Variants in ANKRD30A observed in about 807,000 individuals in gnomAD.
The protein encoded by ANKRD30A is ankyrin repeat domain-containing protein 30A.
Under a neutral mutation model 166.3 loss-of-function variants are expected in ANKRD30A, and 170 were observed. That is an observed-to-expected ratio of 1.02 (90% CI 0.90 to 1.16). The LOEUF (loss-of-function observed/expected upper bound fraction) is 1.16, where lower values mean the gene tolerates loss of function less well. ANKRD30A is among the 50% of genes most tolerant of loss of function. The pLI is 0.00. For synonymous variants in ANKRD30A, 564 were observed against 508.9 expected, an observed-to-expected ratio of 1.11 and a Z score of -1.46; for missense variants, 1,630 against 1,518.0, an observed-to-expected ratio of 1.07 and a Z score of -1.23.
chr10:37,150,446 C>T (rs1235190705), intron 11 of ANKRD30A, among the ~76,000 whole-genome samples: 5 of 151,974 alleles, frequency 3.3e-5, no homozygotes, highest in Non-Finnish European at 7.4e-5. Context: ...ACACTTTTTC[C>T]TAAAACTGTA....
intron 29 of ANKRD30A, among the ~76,000 whole-genome samples, chr10:37,198,284 C>T (rs114979171): frequency 5.3e-5 from 8 of 151,928 alleles, no homozygotes; most frequent in Non-Finnish European, 7.4e-5. Context: ...GTGTAATGTT[C>T]GGCAACATTC....
chr10:37,222,590 A>G (rs1035104855), intron 34 of ANKRD30A, among the ~76,000 whole-genome samples: 4 of 151,354 alleles, frequency 2.6e-5, no homozygotes, highest in South Asian at 4.2e-4. Flanking sequence ...GTGTGGGCCT[A>G]TATTTTTATT....
At chr10:37,149,888 C>G (rs1282116195) in intron 11 of ANKRD30A, 39 bp downstream of exon 11, 2 of 1,606,978 alleles carry the variant, frequency 1.2e-6, no homozygotes, top group East Asian at 2.2e-5. Context: ...ACGAATATTT[C>G]AATATTGGAC....
chr10:37,200,569 T>C (rs1271965301), intron 30 of ANKRD30A, among the ~76,000 whole-genome samples: 1 of 152,094 alleles, frequency 6.6e-6, no homozygotes, highest in East Asian at 1.9e-4. Flanking sequence ...TTTTATCTGA[T>C]TTGTAATTGG....
chr10:37,258,672 CT>C, the ANKRD30A span, among the ~76,000 whole-genome samples: 6 of 145,884 alleles, frequency 4.1e-5, no homozygotes, highest in Non-Finnish European at 9.0e-5. Flanking sequence ...AAAAAAAAAG[CT>C]TCTACAATGG....
At chr10:37,201,184 CATT>C in intron 30 of ANKRD30A, 48 bp from the exon 31 acceptor site, 1 of 1,364,250 alleles carries the variant, frequency 7.3e-7, no homozygotes, top group Non-Finnish European at 9.9e-7. Flanking sequence ...TGATAATCTT[CATT>C]ATTAGGATTT....
intron 34 of ANKRD30A, among the ~76,000 whole-genome samples, chr10:37,227,327 T>C (rs1422982067): frequency 6.6e-6 from 1 of 151,960 alleles, no homozygotes; most frequent in Non-Finnish European, 1.5e-5. Flanking sequence ...TTGGTGGGAC[T>C]CCAACTTTTT....
chr10:37,193,021 C>T, intron 25 of ANKRD30A, 43 bp from the exon 26 acceptor site: 1 of 1,599,696 alleles, frequency 6.3e-7, no homozygotes, highest in Non-Finnish European at 8.6e-7. Context: ...TAGGCTTTGT[C>T]AAGCTTGCAT....
chr10:37,127,548 C>T (rs1006613759), intron 1 of ANKRD30A, among the ~76,000 whole-genome samples: 16 of 152,000 alleles, frequency 1.1e-4, no homozygotes, highest in East Asian at 3.9e-4. Flanking sequence ...TAAAAATCTT[C>T]GCTTTATAGA....
Position 37,173,206 on chromosome 10 carries a change from G to GA in ANKRD30A, c.2258-499dup, listed in dbSNP as rs547907250. On this transcript the variant is annotated intron_variant, in intron 21 of 35. Transcript: ENST00000361713. ...CATATGATTACACCCTATGGTTATG[G>GA]AAAAAAACGAATATTCATATTTAGT... 2.9e-3 allele frequency among the ~76,000 whole-genome samples: 403 copies of GA among 136,712 alleles called. 5 individuals are homozygous for GA. Among genetic ancestry groups the GA allele is most frequent in the Middle Eastern group, 0.023 (6 of 264 alleles). 89.7% of individuals were successfully genotyped at this position (136,712 alleles called of 152,430 possible).
intron 1 of ANKRD30A, among the ~76,000 whole-genome samples, chr10:37,128,991 A>G (rs1836223412): frequency 6.6e-6 from 1 of 152,216 alleles, no homozygotes; most frequent in Admixed American, 6.5e-5. Flanking sequence ...TAAATACGGA[A>G]TAAGATGAGC....
At chr10:37,192,948 T>A in intron 25 of ANKRD30A, 116 bp from the exon 26 acceptor site, 1 of 1,467,518 alleles carries the variant, frequency 6.8e-7, no homozygotes, top group Non-Finnish European at 9.5e-7. Flanking sequence ...AAAGCTAGTG[T>A]AATCCCTTTT....
chr10:37,218,290 T>C (rs1842705178), intron 33 of ANKRD30A, among the ~76,000 whole-genome samples: 1 of 150,978 alleles, frequency 6.6e-6, no homozygotes, highest in African/African-American at 2.4e-5. Flanking sequence ...TTCTTTTGTT[T>C]TGAAATAGAA....
rs1361122071 is a variant in ANKRD30A at position 37,138,540 on chromosome 10, A to G, written c.820+1869A>G. 5.3e-5 allele frequency among the ~76,000 whole-genome samples: 8 copies of G among 152,236 alleles called. No homozygotes were observed. The East Asian group carries it at 1.2e-3, about 22-fold the overall frequency. On this transcript the variant is annotated intron_variant, in intron 6 of 35. Transcript: ENST00000361713. ...TGCAGAGAAGTCCTTAAAGGACCTGATGGAGCTGAAAACCAAGGCACGAGA... is the reference window on the plus strand; with the variant it reads ...TGCAGAGAAGTCCTTAAAGGACCTGGTGGAGCTGAAAACCAAGGCACGAGA...
At chr10:37,243,876 T>C in the ANKRD30A span, among the ~76,000 whole-genome samples, 1 of 151,876 alleles carries the variant, frequency 6.6e-6, no homozygotes, top group Non-Finnish European at 1.5e-5. Context: ...GCAGTTGTAG[T>C]GGTGGTGGGT....
intron 24 of ANKRD30A, chr10:37,178,359 T>C: frequency 3.2e-6 from 1 of 308,902 alleles, no homozygotes; most frequent in Non-Finnish European, 4.8e-6. Flanking sequence ...TCATATACAC[T>C]CCGTATAGAC....
At chr10:37,167,061 T>G (rs974979970) in intron 19 of ANKRD30A, among the ~76,000 whole-genome samples, 1 of 151,898 alleles carries the variant, frequency 6.6e-6, no homozygotes, top group Non-Finnish European at 1.5e-5. Flanking sequence ...AATGAAATGA[T>G]TGTTTAGGAA....
chr10:37,138,708 C>G (rs540502248), intron 6 of ANKRD30A, among the ~76,000 whole-genome samples: 2 of 152,228 alleles, frequency 1.3e-5, no homozygotes, highest in African/African-American at 4.8e-5. Flanking sequence ...ACAAAGCCTC[C>G]AAGACATATG....
chr10:37,265,509 T>A, the ANKRD30A span, among the ~76,000 whole-genome samples: 1 of 152,304 alleles, frequency 6.6e-6, no homozygotes, highest in South Asian at 2.1e-4. Context: ...CAGCCAGTCT[T>A]CCCACTTCTA....
Sources: gnomAD v4.1 joint callset for allele counts (sites outside exome capture counted in the v4.1 genomes callset) on GRCh38, gnomAD v4.1.1 for gene constraint, MANE v1.5 for transcripts, NCBI Gene and HGNC (gene_info 2026-07-23, HGNC 2026-07-21) for gene names.